Variants in AHSA1 observed in about 807,000 individuals in gnomAD.
The protein encoded by AHSA1 is activator of 90 kDa heat shock protein ATPase homolog 1.
A neutral mutation model predicts 46.1 loss-of-function variants in AHSA1; 14 were observed. The observed-to-expected ratio is 0.30, with a 90% CI of 0.20 to 0.47. The LOEUF (loss-of-function observed/expected upper bound fraction) is 0.47, where lower values mean the gene tolerates loss of function less well. Among genes scored for constraint, AHSA1 ranks in the 20% least tolerant of loss-of-function variants. The pLI is 0.99. For synonymous variants in AHSA1, 147 were observed against 145.8 expected, an observed-to-expected ratio of 1.01 and a Z score of -0.06; for missense variants, 333 against 415.9, an observed-to-expected ratio of 0.80 and a Z score of 1.73.
rs1358415366 is a variant in AHSA1, at chr14:77,465,599, A to G, written c.622A>G (p.Lys208Glu). 1.2e-6 allele frequency: 2 copies of G among 1,613,940 alleles called. No individual in the cohort carries two copies. Among genetic ancestry groups the G allele is most frequent in the South Asian group, 2.2e-5 (2 of 91,094 alleles). Residue 208 changes from lysine (K) to glutamate (E), a missense_variant, in exon 6 of 9, where the codon AAG becomes GAG. By Grantham distance (56) the Lys-to-Glu change is moderately conservative (BLOSUM62 1). Transcript: ENST00000216479. ...RPVGVKIPTC[K>E]ITLKETFLTS... ...TGTTGGAGTCAAAATCCCCACTTGT[A>G]AGATCACTCTTAAGGAAACCTTCCT...
In AHSA1 at chr14:77,469,260, A is replaced by C; in HGVS notation, c.*11A>C. 2.5e-6 allele frequency: 4 copies of C among 1,612,878 alleles called. No homozygotes were observed. The highest frequency in any genetic ancestry group is 3.4e-6 in the Non-Finnish European group (4 of 1,179,166). ...GCACGCTTATTTTAGGGCCAGCGGC[A>C]GGGGACTCCAGCCTGCTGGACACTT... is the stretch of plus-strand genomic sequence containing the variant. On this transcript the variant is annotated 3_prime_UTR_variant, in exon 9 of 9. Coordinates refer to ENST00000216479, the MANE Select transcript of AHSA1 (RefSeq NM_012111.3).
rs1426428592 is a variant in AHSA1 at position 77,462,654 on chromosome 14, C to T, written c.367C>T (p.Leu123Phe). ...ATCTTTCACCCAGATTAGTGTGAGC[C>T]TTGCCAAAGATGAGCCTGACACAAA... is the stretch of plus-strand genomic sequence containing the variant. The part of the protein sequence containing the change: ...SVDEVEISVS[L>F]AKDEPDTNLV... The change falls in exon 4 of 9, where the codon CTT becomes TTT. Residue 123 changes from leucine to phenylalanine, a missense_variant. Coordinates refer to ENST00000216479, the MANE Select transcript of AHSA1 (RefSeq NM_012111.3). The T allele has an allele frequency of 1.2e-6, 2 of 1,614,008 alleles. No individual in the cohort carries two copies.
intron 2 of AHSA1, among the ~76,000 whole-genome samples, chr14:77,460,710 C>T (rs10145195): frequency 1.7e-4 from 26 of 151,598 alleles, no homozygotes; most frequent in Middle Eastern, 6.8e-3. Context: ...TACAGGTGCC[C>T]GCCACCACGC....
chr14:77,465,676 G>A lies in AHSA1; in HGVS notation c.690+9G>A, dbSNP rs1566748021. The A allele has an allele frequency of 6.2e-7, 1 of 1,612,792 alleles. No homozygotes were observed. The highest frequency in any genetic ancestry group is 1.7e-5 in the Admixed American group (1 of 59,978). On this transcript the variant is annotated intron_variant, in intron 6 of 8. Coordinates refer to ENST00000216479, the MANE Select transcript of AHSA1 (RefSeq NM_012111.3). Reference sequence around the variant, plus strand: ...TGTTTACCACCCAAGAGGTAAGTAAGTCTTGTCCTTCAGGCCTCATGCCAT... The same window carrying A: ...TGTTTACCACCCAAGAGGTAAGTAAATCTTGTCCTTCAGGCCTCATGCCAT...
At position 77,469,235 on chromosome 14, in the gene AHSA1, G is replaced by T. The variant is rs141659647; in HGVS notation, c.1003G>T (p.Ala335Ser). 1.2e-6 allele frequency: 2 copies of T among 1,613,824 alleles called. No individual in the cohort carries two copies. The highest frequency in any genetic ancestry group is 2.2e-5 in the East Asian group (1 of 44,862). ...EGIKQTFGYGARLF is the reference protein window; with the variant it reads ...EGIKQTFGYGSRLF ...CATTAAACAGACCTTTGGCTATGGCGCACGCTTATTTTAGGGCCAGCGGCA... is the reference window on the plus strand; with the variant it reads ...CATTAAACAGACCTTTGGCTATGGCTCACGCTTATTTTAGGGCCAGCGGCA... Residue 335 changes from alanine (A) to serine (S), a missense_variant, in exon 9 of 9, where the codon GCA (alanine) becomes TCA (serine). Coordinates refer to ENST00000216479, the MANE Select transcript of AHSA1 (RefSeq NM_012111.3).
At chr14:77,458,477 G>A (rs1040872717) in intron 1 of AHSA1, among the ~76,000 whole-genome samples, 2 of 152,248 alleles carry the variant, frequency 1.3e-5, no homozygotes, top group Non-Finnish European at 2.9e-5. Context: ...GGAGATGGAC[G>A]TGGAGGGCTG....
At chr14:77,460,233 T>C in intron 2 of AHSA1, 1 of 206,576 alleles carries the variant, frequency 4.8e-6, no homozygotes, top group South Asian at 7.6e-5. Flanking sequence ...GTGACAGTAA[T>C]TTGGGGCTGT....
intron 4 of AHSA1, 170 bp downstream of exon 4, chr14:77,462,929 G>T: frequency 1.7e-6 from 1 of 585,790 alleles, no homozygotes. Context: ...AAGATCTGGA[G>T]CTGTGTTGCC....
intron 4 of AHSA1, 136 bp downstream of exon 4, chr14:77,462,895 A>T (rs2079031825): frequency 1.4e-6 from 1 of 717,026 alleles, no homozygotes; most frequent in African/African-American, 1.8e-5. Context: ...TCTTAAAGTC[A>T]GTCCATAAGC....
At chr14:77,462,573 C>T in intron 3 of AHSA1, 69 bp from the exon 4 acceptor site, 1 of 1,408,916 alleles carries the variant, frequency 7.1e-7, no homozygotes, top group Non-Finnish European at 1.0e-6. Flanking sequence ...CCTGATTGCT[C>T]AGCCCCCACA....
intron 3 of AHSA1, 175 bp from the exon 4 acceptor site, chr14:77,462,467 T>C: frequency 2.7e-6 from 2 of 744,708 alleles, no homozygotes; most frequent in Non-Finnish European, 4.6e-6. Context: ...TAACTAACAT[T>C]AGCCACTTGA....
upstream of AHSA1, chr14:77,458,045 G>A: frequency 4.9e-6 from 3 of 610,988 alleles, no homozygotes. Flanking sequence ...TTAAGGAGGG[G>A]AGGGGGTGGA....
At chr14:77,461,029 T>TGCGG (rs1566746266) in intron 2 of AHSA1, among the ~76,000 whole-genome samples, 5 of 151,506 alleles carry the variant, frequency 3.3e-5, no homozygotes, top group Admixed American at 6.6e-5. Context: ...CGTGGTGGCA[T>TGCGG]GTGCCTGTAG....
chr14:77,469,371 C>A lies in AHSA1; in HGVS notation c.*122C>A. 3 of 1,205,090 alleles carry A rather than the reference C, an allele frequency of 2.5e-6. No homozygotes were observed. Among genetic ancestry groups the A allele is most frequent in the East Asian group, 2.4e-5 (1 of 41,558 alleles). The allele number at this position is 1,205,090 out of a possible 1,614,324, so 74.6% of individuals were successfully genotyped here. A position where few individuals can be genotyped will look rare whatever the true frequency, so the allele number is the denominator to read the frequency against. ...AACTTGGGGCCGGGGCCCCTCCCTTCCACATATACCTTGGGTTTGTGCATG... is the reference window on the plus strand; with the variant it reads ...AACTTGGGGCCGGGGCCCCTCCCTTACACATATACCTTGGGTTTGTGCATG... On this transcript the variant is annotated 3_prime_UTR_variant, in exon 9 of 9. Coordinates refer to ENST00000216479, the MANE Select transcript of AHSA1 (RefSeq NM_012111.3).
Position 77,468,508 on chromosome 14 carries a change from GGTAA to G in AHSA1, c.844+5_844+8del. On this transcript the variant is annotated splice_donor_variant and splice_donor_region_variant and intron_variant, in intron 8 of 8. Transcript: ENST00000216479. LOFTEE classifies it high-confidence loss of function. ...GTGGAGGTTTAAATCTTGGCCAGAG[GGTAA>G]GTAAACATATTTATTGCCATTACCC... is the stretch of plus-strand genomic sequence containing the variant. 3 of 1,611,958 alleles carry G rather than the reference GGTAA, an allele frequency of 1.9e-6. No homozygotes were observed. The highest frequency in any genetic ancestry group is 2.5e-6 in the Non-Finnish European group (3 of 1,178,834).
chr14:77,468,973 G>A, intron 8 of AHSA1, 104 bp from the exon 9 acceptor site: 1 of 1,345,364 alleles, frequency 7.4e-7, no homozygotes, highest in Non-Finnish European at 1.0e-6. Context: ...CTGCCAAAGT[G>A]CTGGGATTAC....
At chr14:77,462,363 TGCA>T in intron 3 of AHSA1, 121 bp downstream of exon 3, 1 of 981,052 alleles carries the variant, frequency 1.0e-6, no homozygotes, top group South Asian at 1.6e-5. Flanking sequence ...AACCCTAGCC[TGCA>T]GATAATTTTC....
At chr14:77,461,899 T>C (rs1346720600) in intron 2 of AHSA1, among the ~76,000 whole-genome samples, 1 of 152,238 alleles carries the variant, frequency 6.6e-6, no homozygotes, top group Non-Finnish European at 1.5e-5. Flanking sequence ...CAAGTTCTCA[T>C]GGTATAACTC....
chr14:77,465,414 T>C (rs377116936), intron 5 of AHSA1, 125 bp from the exon 6 acceptor site: 7 of 1,123,498 alleles, frequency 6.2e-6, no homozygotes, highest in African/African-American at 4.7e-5. Flanking sequence ...TTCAAACCCC[T>C]TGGAATAATT....
Sources: gnomAD v4.1 joint callset for allele counts (sites outside exome capture counted in the v4.1 genomes callset) on GRCh38, gnomAD v4.1.1 for gene constraint, MANE v1.5 for transcripts, NCBI Gene and HGNC (gene_info 2026-07-23, HGNC 2026-07-21) for gene names.